Variants in ARHGEF33 observed in about 807,000 individuals in gnomAD.
The protein encoded by ARHGEF33 is DH and coiled-coil domain-containing protein ENSP00000381780.
A neutral mutation model predicts 101.9 loss-of-function variants in ARHGEF33; 72 were observed. That is an observed-to-expected ratio of 0.71 (90% confidence interval 0.58 to 0.86). The LOEUF is 0.86. Among genes scored for constraint, ARHGEF33 ranks in the 40% least tolerant of loss-of-function variants. ARHGEF33 has a pLI of 0.00. For missense variants in ARHGEF33, 1,169 were observed against 1,111.3 expected (o/e 1.05, Z -0.74); for synonymous variants, 499 against 442.5 (o/e 1.13, Z -1.60).
At chr2:38,907,224 A>G (rs560766431) in intron 2 of ARHGEF33, among the ~76,000 whole-genome samples, 59 of 152,216 alleles carry the variant, frequency 3.9e-4, no homozygotes, top group African/African-American at 1.3e-3. Flanking sequence ...CGGGCTGTGG[A>G]CCATTTTTCT....
intron 11 of ARHGEF33, among the ~76,000 whole-genome samples, chr2:38,952,813 C>T (rs1326299899): frequency 6.6e-6 from 1 of 152,080 alleles, no homozygotes; most frequent in Non-Finnish European, 1.5e-5. Context: ...ATTCTCCTAC[C>T]TCAGCCTCCT....
chr2:38,958,270 G>A (rs1667825220), intron 15 of ARHGEF33, 72 bp downstream of exon 15: 1 of 1,516,242 alleles, frequency 6.6e-7, no homozygotes, highest in South Asian at 1.3e-5. Flanking sequence ...CGGGTTAGCA[G>A]GGCAGCCTAG....
At chr2:38,921,853 C>T (rs1033676576) in intron 4 of ARHGEF33, among the ~76,000 whole-genome samples, 19 of 152,182 alleles carry the variant, frequency 1.2e-4, no homozygotes, top group African/African-American at 4.6e-4. Context: ...ATAACATTTC[C>T]ATCAGAGAGG....
intron 17 of ARHGEF33, 59 bp from the exon 18 acceptor site, chr2:38,973,655 T>C: frequency 7.0e-7 from 1 of 1,424,700 alleles, no homozygotes; most frequent in Non-Finnish European, 9.2e-7. Flanking sequence ...TAGATAAAAA[T>C]ATTTGAAAAC....
chr2:38,971,593 C>G (rs562619707), intron 17 of ARHGEF33, among the ~76,000 whole-genome samples: 69 of 152,230 alleles, frequency 4.5e-4, no homozygotes, highest in South Asian at 8.3e-4. Flanking sequence ...TTGGAAGAGT[C>G]CAGGTGGCCA....
At chr2:38,942,288 C>T (rs993610017) in intron 9 of ARHGEF33, among the ~76,000 whole-genome samples, 3 of 151,528 alleles carry the variant, frequency 2.0e-5, no homozygotes, top group Non-Finnish European at 4.4e-5. Flanking sequence ...CTGCCTCAGC[C>T]CCCTGAGTAG....
rs1667877259 is a variant in ARHGEF33 at position 38,960,086 on chromosome 2, C to T, written c.1781C>T (p.Ser594Phe). 3 of 1,541,724 alleles carry T rather than the reference C, an allele frequency of 1.9e-6. No individual in the cohort carries two copies. The highest frequency in any genetic ancestry group is 2.4e-5 in the South Asian group (2 of 83,826). The part of the protein sequence containing the change: ...PAEPLGNVER[S>F]LRAPAELLPD... ...GAGCCGCTGGGCAACGTGGAGCGCTCCCTGCGCGCCCCGGCCGAGCTCCTG... is the reference window on the plus strand; with the variant it reads ...GAGCCGCTGGGCAACGTGGAGCGCTTCCTGCGCGCCCCGGCCGAGCTCCTG... Residue 594 changes from serine to phenylalanine, a missense_variant, in exon 16 of 18, where the codon TCC becomes TTC. Transcript: ENST00000409978.
In ARHGEF33 at chr2:38,951,013, C is replaced by T; in HGVS notation, c.945C>T (p.Tyr315=). 6.4e-7 allele frequency: 1 copy of T among 1,552,236 alleles called. No individual in the cohort carries two copies. Among genetic ancestry groups the T allele is most frequent in the Non-Finnish European group, 8.7e-7 (1 of 1,147,098 alleles). Residue 315 remains tyrosine (Y), a synonymous_variant, in exon 11 of 18, where the codon TAC becomes TAT. Coordinates refer to ENST00000409978, the MANE Select transcript of ARHGEF33 (RefSeq NM_001145451.5). ...GCCTCTTCCCTGGCTCTTTACGGTA[C>T]CTCGTCCAGCAGCACCTGGATCTGC... The part of the protein sequence containing the change: ...ERSLFPGSLR[Y]LVQQHLDLLH...
At chr2:38,895,216 G>C (rs1268128965) in intron 1 of ARHGEF33, among the ~76,000 whole-genome samples, 1 of 152,138 alleles carries the variant, frequency 6.6e-6, no homozygotes, top group Non-Finnish European at 1.5e-5. Context: ...TCAGTGAATT[G>C]GCCAAACTGC....
chr2:38,955,378 ATCT>A (rs1667713538), intron 13 of ARHGEF33, among the ~76,000 whole-genome samples: 1 of 150,218 alleles, frequency 6.7e-6, no homozygotes, highest in African/African-American at 2.4e-5. Context: ...TTGCTGACTG[ATCT>A]TCTTAAGTAA....
chr2:38,935,239 G>T (rs1486275077), intron 7 of ARHGEF33, among the ~76,000 whole-genome samples: 1 of 151,930 alleles, frequency 6.6e-6, no homozygotes, highest in East Asian at 1.9e-4. Flanking sequence ...GGAGTGCAGT[G>T]TCACAATCTT....
chr2:38,928,950 C>G lies in ARHGEF33; in HGVS notation c.119C>G (p.Ala40Gly). The change falls in exon 5 of 18, where the codon GCA becomes GGA. Residue 40 changes from alanine (A) to glycine (G), a missense_variant. Ala to Gly is a moderately conservative substitution (Grantham distance 60). Coordinates refer to ENST00000409978, the MANE Select transcript of ARHGEF33 (RefSeq NM_001145451.5). ...GAACTCAAAACTGGTTTCACAGAAG[C>G]AATGCAAGAACTGTCAAGAATTCAA... Reference protein sequence around the residue: ...ASELKTGFTEAMQELSRIQHG... With the variant: ...ASELKTGFTEGMQELSRIQHG... The G allele has an allele frequency of 6.4e-7, 1 of 1,550,506 alleles. No homozygotes were observed. The highest frequency in any genetic ancestry group is 8.7e-7 in the Non-Finnish European group (1 of 1,146,368).
intron 17 of ARHGEF33, among the ~76,000 whole-genome samples, chr2:38,970,969 G>C (rs1466416990): frequency 2.6e-5 from 4 of 152,158 alleles, no homozygotes; most frequent in African/African-American, 9.7e-5. Flanking sequence ...AATCTGAAGT[G>C]TTGTCTGAGT....
rs1248571288 is a variant in ARHGEF33, at chr2:38,957,172, G to A, written c.1370+125G>A. 2.2e-5 allele frequency: 27 copies of A among 1,229,374 alleles called. No individual in the cohort carries two copies. The South Asian group carries it at 2.6e-4, about 12-fold the overall frequency. The allele number at this position is 1,229,374 out of a possible 1,614,324, so 76.2% of individuals were successfully genotyped here. On this transcript the variant is annotated intron_variant, in intron 14 of 17. Coordinates refer to ENST00000409978, the MANE Select transcript of ARHGEF33 (RefSeq NM_001145451.5). Reference sequence around the variant, plus strand: ...GTGGGAGGTAGAAGGAAAGAGAGAAGGGGAGAGAAAGAGCTAGTCAGACTG... The same window carrying A: ...GTGGGAGGTAGAAGGAAAGAGAGAAAGGGAGAGAAAGAGCTAGTCAGACTG...
intron 2 of ARHGEF33, among the ~76,000 whole-genome samples, chr2:38,908,332 A>C (rs1210864805): frequency 6.6e-6 from 1 of 152,202 alleles, no homozygotes; most frequent in Non-Finnish European, 1.5e-5. Context: ...TGGTTCTGAC[A>C]CAGTTAAGTA....
Position 38,960,337 on chromosome 2 carries a change from A to G in ARHGEF33, c.2032A>G (p.Lys678Glu). The G allele has an allele frequency of 6.5e-7, 1 of 1,538,076 alleles. No individual in the cohort carries two copies. Among genetic ancestry groups the G allele is most frequent in the Non-Finnish European group, 8.7e-7 (1 of 1,144,874 alleles). Residue 678 changes from lysine to glutamate, a missense_variant, in exon 16 of 18, where the codon AAG becomes GAG. By Grantham distance (56) the Lys-to-Glu change is moderately conservative. Transcript: ENST00000409978. ...RPEHPLQPLP[K>E]SATSPAGSSS... is the part of the protein sequence containing the mutation. ...GGAGCACCCGCTGCAGCCGCTGCCC[A>G]AGAGCGCTACGTCGCCGGCGGGCAG... is the stretch of plus-strand genomic sequence containing the variant.
At chr2:38,951,626 T>G (rs1277763216) in intron 11 of ARHGEF33, among the ~76,000 whole-genome samples, 2 of 151,740 alleles carry the variant, frequency 1.3e-5, no homozygotes, top group East Asian at 3.9e-4. Context: ...AAAGTATATA[T>G]ACATTAAAAC....
chr2:38,958,622 C>T (rs1192217610), intron 15 of ARHGEF33, among the ~76,000 whole-genome samples: 1 of 152,216 alleles, frequency 6.6e-6, no homozygotes, highest in Non-Finnish European at 1.5e-5. Flanking sequence ...TATTTTGTTT[C>T]ACTCTTTCAC....
At chr2:38,920,750 C>T (rs566846753) in intron 3 of ARHGEF33, among the ~76,000 whole-genome samples, 1 of 152,168 alleles carries the variant, frequency 6.6e-6, no homozygotes, top group Admixed American at 6.6e-5. Context: ...CTGCGTGTGC[C>T]CTGTGTTTCT....
Sources: gnomAD v4.1 joint callset for allele counts (sites outside exome capture counted in the v4.1 genomes callset) on GRCh38, gnomAD v4.1.1 for gene constraint, MANE v1.5 for transcripts, NCBI Gene and HGNC (gene_info 2026-07-23, HGNC 2026-07-21) for gene names.